Variants in RALA observed in about 807,000 individuals in gnomAD.
The protein encoded by RALA is RAS like proto-oncogene A, also known as ras-related protein Ral-A.
RALA carries 5 observed loss-of-function variants against 24.0 expected under a neutral mutation model. That is an observed-to-expected ratio of 0.21 (90% CI 0.11 to 0.44). The LOEUF (loss-of-function observed/expected upper bound fraction) is 0.44. Among genes scored for constraint, RALA ranks in the 20% least tolerant of loss-of-function variants. The pLI is 0.99. For synonymous variants in RALA, 77 were observed against 83.8 expected (o/e 0.92, Z 0.44); for missense variants, 95 against 241.2 (o/e 0.39, Z 4.01).
intron 1 of RALA, among the ~76,000 whole-genome samples, chr7:39,637,346 C>G (rs1168222185): frequency 1.3e-5 from 2 of 152,070 alleles, no homozygotes; most frequent in Non-Finnish European, 1.5e-5. Flanking sequence ...TATTATCAGC[C>G]AAGAGATATA....
At chr7:39,692,017 C>T (rs1479953624) in intron 3 of RALA, among the ~76,000 whole-genome samples, 1 of 152,132 alleles carries the variant, frequency 6.6e-6, no homozygotes, top group Non-Finnish European at 1.5e-5. Context: ...AAGGATGATT[C>T]ATTACTCTTA....
intron 4 of RALA, among the ~76,000 whole-genome samples, chr7:39,705,164 G>A (rs1793096342): frequency 6.6e-6 from 1 of 152,036 alleles, no homozygotes; most frequent in Non-Finnish European, 1.5e-5. Context: ...GTATACTCCT[G>A]CCCTACACAC....
Position 39,674,819 on chromosome 7 carries a change from C to CTTT in RALA, c.-37-11792_-37-11790dup, listed in dbSNP as rs11452061. On this transcript the variant is annotated intron_variant, in intron 1 of 4. Transcript: ENST00000005257. ...ATAGCAGCCTGAAGGTAATTTTATG[C>CTTT]TTTTTTTTTTTTTTTTTTTTTTGAG... Among the ~76,000 whole-genome samples, 555 of 96,658 alleles carry CTTT rather than the reference C, an allele frequency of 5.7e-3. 4 individuals carry two copies. The highest frequency in any genetic ancestry group is 0.016 in the East Asian group (49 of 2,978). 63.4% of individuals were successfully genotyped at this position (96,658 alleles called of 152,430 possible).
chr7:39,648,007 A>G (rs1359989883), intron 1 of RALA, among the ~76,000 whole-genome samples: 1 of 152,196 alleles, frequency 6.6e-6, no homozygotes. Context: ...TGTTTCAACA[A>G]CTGCATCAGC....
intron 4 of RALA, chr7:39,702,994 T>C (rs569607382): frequency 2.0e-5 from 3 of 152,312 alleles, no homozygotes; most frequent in Admixed American, 6.5e-5. Context: ...AAGGAGGATA[T>C]TGAATGTTCC....
intron 1 of RALA, chr7:39,624,150 G>GGAACT (rs1791432397): frequency 6.6e-6 from 1 of 152,422 alleles, no homozygotes; most frequent in Admixed American, 6.5e-5. Context: ...CGCCCGGGCG[G>GGAACT]TGCCCGCGAC....
chr7:39,684,670 T>C (rs923119391), intron 1 of RALA, among the ~76,000 whole-genome samples: 5 of 148,776 alleles, frequency 3.4e-5, no homozygotes, highest in Non-Finnish European at 5.9e-5. Flanking sequence ...AGAAGAATTG[T>C]CTTGGGCCAG....
chr7:39,644,920 A>G (rs1791899372), intron 1 of RALA, among the ~76,000 whole-genome samples: 1 of 152,222 alleles, frequency 6.6e-6, no homozygotes, highest in Non-Finnish European at 1.5e-5. Flanking sequence ...ACTTCATTTT[A>G]AAAAGTTTTG....
intron 1 of RALA, among the ~76,000 whole-genome samples, chr7:39,670,849 TTTC>T (rs1186208484): frequency 1.3e-5 from 2 of 152,314 alleles, no homozygotes; most frequent in Non-Finnish European, 2.9e-5. Flanking sequence ...CTCTCAGATT[TTTC>T]TTATTAAATA....
At chr7:39,654,862 C>T (rs1484496791) in intron 1 of RALA, among the ~76,000 whole-genome samples, 1 of 152,000 alleles carries the variant, frequency 6.6e-6, no homozygotes, top group Non-Finnish European at 1.5e-5. Context: ...GCAGTTCTCC[C>T]ACCTCAACCT....
At position 39,694,624 on chromosome 7, in the gene RALA, G is replaced by A. The variant is rs191324818; in HGVS notation, c.324-2061G>A. On this transcript the variant is annotated intron_variant, in intron 3 of 4. Transcript: ENST00000005257. ...AAGCAGTGTTTGGCACATTGTGAGC[G>A]CTGAGTACAATGTTAGTGGTAGTAG... 5.3e-5 allele frequency among the ~76,000 whole-genome samples: 8 copies of A among 152,264 alleles called. No homozygotes were observed. The East Asian group carries it at 5.8e-4, about 11-fold the overall frequency.
chr7:39,669,008 G>A (rs1213109713), intron 1 of RALA, among the ~76,000 whole-genome samples: 1 of 151,912 alleles, frequency 6.6e-6, no homozygotes, highest in African/African-American at 2.4e-5. Context: ...CAGCTACTCA[G>A]GAGGCTGAGG....
chr7:39,674,232 G>A (rs895495279), intron 1 of RALA, among the ~76,000 whole-genome samples: 95 of 152,074 alleles, frequency 6.2e-4, no homozygotes, highest in African/African-American at 2.1e-3. Context: ...GATTAGAGCC[G>A]CTGTACTGGG....
At chr7:39,653,659 C>G (rs982797295) in intron 1 of RALA, among the ~76,000 whole-genome samples, 11 of 152,100 alleles carry the variant, frequency 7.2e-5, no homozygotes, top group African/African-American at 2.7e-4. Flanking sequence ...CTCAGCTCAG[C>G]AGAATTCTCC....
At chr7:39,697,167 G>A (rs1051051131) in intron 4 of RALA, among the ~76,000 whole-genome samples, 3 of 151,890 alleles carry the variant, frequency 2.0e-5, no homozygotes, top group Non-Finnish European at 2.9e-5. Context: ...AGAAGGAATC[G>A]TGTGAGTCCC....
chr7:39,665,983 A>C (rs549853291), intron 1 of RALA, among the ~76,000 whole-genome samples: 1 of 152,274 alleles, frequency 6.6e-6, no homozygotes, highest in East Asian at 1.9e-4. Flanking sequence ...TTCATGAGAT[A>C]ATTAAGTACG....
intron 1 of RALA, among the ~76,000 whole-genome samples, chr7:39,625,933 A>C (rs1324925914): frequency 6.6e-6 from 1 of 152,228 alleles, no homozygotes. Flanking sequence ...TCTTGTAGAT[A>C]TGCATATCAG....
intron 1 of RALA, among the ~76,000 whole-genome samples, chr7:39,685,333 G>C (rs184255306): frequency 1.7e-4 from 26 of 152,356 alleles, no homozygotes; most frequent in Admixed American, 1.2e-3. Context: ...TTGTGGGTCT[G>C]ATGCAGCTGA....
intron 1 of RALA, among the ~76,000 whole-genome samples, chr7:39,665,794 C>T (rs1792278434): frequency 6.6e-6 from 1 of 151,888 alleles, no homozygotes; most frequent in Non-Finnish European, 1.5e-5. Flanking sequence ...GTCATTCTTA[C>T]TAGTTTCTTC....
Sources: gnomAD v4.1 joint callset for allele counts (sites outside exome capture counted in the v4.1 genomes callset) on GRCh38, gnomAD v4.1.1 for gene constraint, MANE v1.5 for transcripts, NCBI Gene and HGNC (gene_info 2026-07-23, HGNC 2026-07-21) for gene names.